Variants in CACHD1 observed in about 807,000 individuals in gnomAD.
The protein encoded by CACHD1 is cache domain containing 1.
Under a neutral mutation model 138.7 loss-of-function variants are expected in CACHD1, and 71 were observed. The observed-to-expected ratio is 0.51, with a 90% CI of 0.42 to 0.62. CACHD1 has a LOEUF of 0.62. CACHD1 is among the 20% of genes least tolerant of loss of function. The probability of loss-of-function intolerance (pLI) is 0.00; values close to 1 mark genes in which losing one functional copy is unlikely to be tolerated. For missense variants in CACHD1, 1,389 were observed against 1,625.3 expected, an observed-to-expected ratio of 0.85 and a Z score of 2.50; for synonymous variants, 578 against 591.5, an observed-to-expected ratio of 0.98 and a Z score of 0.33.
intron 8 of CACHD1, 89 bp from the exon 9 acceptor site, chr1:64,647,712 C>A: frequency 9.4e-7 from 1 of 1,066,802 alleles, no homozygotes; most frequent in Non-Finnish European, 1.4e-6. Context: ...AAGACCTCAT[C>A]CATGCCCGTA....
intron 4 of CACHD1, among the ~76,000 whole-genome samples, chr1:64,626,167 T>C (rs1282458569): frequency 7.2e-5 from 11 of 152,258 alleles, no homozygotes; most frequent in Non-Finnish European, 1.6e-4. Flanking sequence ...TATTGACCAA[T>C]GTCTTTATCT....
intron 1 of CACHD1, among the ~76,000 whole-genome samples, chr1:64,525,797 A>T (rs1646534010): frequency 6.6e-6 from 1 of 152,166 alleles, no homozygotes; most frequent in Non-Finnish European, 1.5e-5. Flanking sequence ...TGCTAACTTT[A>T]TTGCTCTCCC....
chr1:64,673,465 G>T lies in CACHD1; in HGVS notation c.2727+1G>T, dbSNP rs754900709. The T allele has an allele frequency of 6.2e-7, 1 of 1,604,962 alleles. No individual in the cohort carries two copies. Among genetic ancestry groups the T allele is most frequent in the Non-Finnish European group, 8.5e-7 (1 of 1,171,798 alleles). On this transcript the variant is annotated splice_donor_variant, in intron 19 of 26. Coordinates refer to ENST00000651257, the MANE Select transcript of CACHD1 (RefSeq NM_020925.4). LOFTEE classifies it high-confidence loss of function. ...TTATAAATTCAACACCAGCCTTGCG[G>T]TAAGTTGATCTGATTCCTTAACACT...
chr1:64,590,874 C>T (rs1021740681), intron 3 of CACHD1, among the ~76,000 whole-genome samples: 1 of 152,148 alleles, frequency 6.6e-6, no homozygotes, highest in African/African-American at 2.4e-5. Flanking sequence ...TCCACTCTGC[C>T]ACTTTGCCAT....
At chr1:64,477,000 A>G (rs1016706231) in intron 1 of CACHD1, among the ~76,000 whole-genome samples, 1 of 152,236 alleles carries the variant, frequency 6.6e-6, no homozygotes, top group African/African-American at 2.4e-5. Context: ...AAGTCAAAAT[A>G]TGAAGGGACA....
At chr1:64,555,489 A>C (rs2100466105) in intron 2 of CACHD1, among the ~76,000 whole-genome samples, 1 of 152,206 alleles carries the variant, frequency 6.6e-6, no homozygotes, top group South Asian at 2.1e-4. Flanking sequence ...GCACGATCTC[A>C]GCTCACTGCA....
intron 1 of CACHD1, among the ~76,000 whole-genome samples, chr1:64,532,579 A>G (rs924242420): frequency 1.3e-5 from 2 of 152,176 alleles, no homozygotes; most frequent in African/African-American, 2.4e-5. Context: ...TTTGAGTGGC[A>G]AACTGGAGGC....
intron 8 of CACHD1, among the ~76,000 whole-genome samples, chr1:64,646,307 G>A (rs1648900013): frequency 6.6e-6 from 1 of 152,122 alleles, no homozygotes; most frequent in Non-Finnish European, 1.5e-5. Context: ...CCCCATCTCA[G>A]CTCTGTGCCG....
At chr1:64,608,809 G>T (rs916646525) in intron 4 of CACHD1, among the ~76,000 whole-genome samples, 7 of 151,862 alleles carry the variant, frequency 4.6e-5, no homozygotes, top group Non-Finnish European at 8.8e-5. Flanking sequence ...CTTGTGCATG[G>T]CCTGATCCCT....
chr1:64,484,411 G>A (rs577941833), intron 1 of CACHD1, among the ~76,000 whole-genome samples: 1 of 152,148 alleles, frequency 6.6e-6, no homozygotes, highest in African/African-American at 2.4e-5. Flanking sequence ...AGAAAGCCAG[G>A]CGGCTGACAG....
intron 3 of CACHD1, among the ~76,000 whole-genome samples, chr1:64,602,342 A>C (rs920563213): frequency 6.6e-6 from 1 of 152,208 alleles, no homozygotes; most frequent in Non-Finnish European, 1.5e-5. Flanking sequence ...AGGGTTTCAC[A>C]TCTAGACCAT....
intron 26 of CACHD1, 62 bp downstream of exon 26, chr1:64,682,168 G>A: frequency 2.2e-6 from 3 of 1,389,806 alleles, no homozygotes; most frequent in Non-Finnish European, 3.1e-6. Context: ...GTGGGATGAT[G>A]CTCACACCCT....
At chr1:64,639,080 A>G (rs1008625564) in intron 7 of CACHD1, among the ~76,000 whole-genome samples, 2 of 152,130 alleles carry the variant, frequency 1.3e-5, no homozygotes. Context: ...GCTCTAAATG[A>G]CAGTGTATTT....
chr1:64,680,357 A>G (rs1650132423), intron 24 of CACHD1, among the ~76,000 whole-genome samples: 1 of 152,006 alleles, frequency 6.6e-6, no homozygotes, highest in Admixed American at 6.6e-5. Flanking sequence ...GTGCGGTGGC[A>G]CCTACCCGTG....
At chr1:64,642,117 G>T in intron 8 of CACHD1, 148 bp downstream of exon 8, 1 of 569,824 alleles carries the variant, frequency 1.8e-6, no homozygotes, top group Non-Finnish European at 2.8e-6. Flanking sequence ...ACCTGATGTT[G>T]GTATTTAGGG....
intron 3 of CACHD1, among the ~76,000 whole-genome samples, chr1:64,584,897 GTATTGTGGTTCCTCAAAGCAGAGAAC>G (rs1647039435): frequency 6.6e-6 from 1 of 152,120 alleles, no homozygotes; most frequent in African/African-American, 2.4e-5. Flanking sequence ...TAGCAGAGAG[GTATTGTGGTTCCTCAAAGCAGAGAAC>G]TATACCAGAT....
chr1:64,521,756 AG>A (rs1373134066), intron 1 of CACHD1, among the ~76,000 whole-genome samples: 1 of 152,166 alleles, frequency 6.6e-6, no homozygotes, highest in Non-Finnish European at 1.5e-5. Flanking sequence ...ATATGGTAAC[AG>A]TTTAATCATT....
chr1:64,495,024 C>T (rs142367378), intron 1 of CACHD1, among the ~76,000 whole-genome samples: 418 of 152,000 alleles, frequency 2.7e-3, no homozygotes, highest in Non-Finnish European at 4.5e-3. Flanking sequence ...GTGTGGGGGG[C>T]TCTGGAGAAT....
chr1:64,561,859 A>AG (rs1646842455), intron 2 of CACHD1, among the ~76,000 whole-genome samples: 1 of 10,608 alleles, frequency 9.4e-5, no homozygotes, highest in South Asian at 0.029. Flanking sequence ...CACTGTCTCC[A>AG]AAAAAAAAAA....
Sources: gnomAD v4.1 joint callset for allele counts (sites outside exome capture counted in the v4.1 genomes callset) on GRCh38, gnomAD v4.1.1 for gene constraint, MANE v1.5 for transcripts, NCBI Gene and HGNC (gene_info 2026-07-23, HGNC 2026-07-21) for gene names.